TBCD: variants seen among roughly 807,000 people sequenced by gnomAD.
The protein encoded by TBCD is tubulin folding cofactor D.
Under a neutral mutation model 169.3 loss-of-function variants are expected in TBCD, and 105 were observed. That is an observed-to-expected ratio of 0.62 (90% CI 0.53 to 0.73). The LOEUF is 0.73. Among genes scored for constraint, TBCD ranks in the 30% least tolerant of loss-of-function variants. The pLI is 0.00. For missense variants in TBCD, 1,444 were observed against 1,600.1 expected, an observed-to-expected ratio of 0.90 and a Z score of 1.66; for synonymous variants, 700 against 643.9, an observed-to-expected ratio of 1.09 and a Z score of -1.32.
chr17:82,791,828 A>G (rs1032095381), intron 7 of TBCD, among the ~76,000 whole-genome samples: 3 of 152,130 alleles, frequency 2.0e-5, no homozygotes, highest in African/African-American at 7.2e-5. Flanking sequence ...CGTAGCGTGC[A>G]CTTAAACATA....
intron 2 of TBCD, among the ~76,000 whole-genome samples, chr17:82,763,066 G>T (rs963552343): frequency 6.6e-6 from 1 of 152,148 alleles, no homozygotes; most frequent in Non-Finnish European, 1.5e-5. Context: ...TAAATGTCAC[G>T]TAAGTAAGGT....
chr17:82,866,760 G>A lies in TBCD; in HGVS notation c.1319-3464G>A, dbSNP rs139029830. ...CTGCTGCTGGGACTCAGCCCTGCGGGAGCACAGGGAGGACAGCTGGAAGCC... is the reference window on the plus strand; with the variant it reads ...CTGCTGCTGGGACTCAGCCCTGCGGAAGCACAGGGAGGACAGCTGGAAGCC... On this transcript the variant is annotated intron_variant, in intron 13 of 38. Coordinates refer to ENST00000355528, the MANE Select transcript of TBCD (RefSeq NM_005993.5). Among the ~76,000 whole-genome samples the A allele has an allele frequency of 5.5e-4, 84 of 152,360 alleles. No individual in the cohort carries two copies. In the East Asian group the frequency reaches 0.015, roughly 27 times the overall value.
chr17:82,866,513 G>A (rs1007647146), intron 13 of TBCD, among the ~76,000 whole-genome samples: 2 of 152,258 alleles, frequency 1.3e-5, no homozygotes, highest in African/African-American at 2.4e-5. Context: ...GGCAGCTGCC[G>A]CTTCACCTGT....
chr17:82,887,175 G>GCA lies in TBCD; in HGVS notation c.1534-2492_1534-2491insAC, dbSNP rs2058808101. Among the ~76,000 whole-genome samples the GCA allele has an allele frequency of 8.7e-5, 6 of 68,850 alleles. 1 individual carries two copies. The highest frequency in any genetic ancestry group is 5.7e-4 in the African/African-American group (6 of 10,576). The allele number at this position is 68,850 out of a possible 152,430, so 45.2% of individuals were successfully genotyped here. ...TGTGTGTGTGTGTGTGTGTGCGCGC[G>GCA]CGCGCACGTGCGCTCACGCGTTTAC... On this transcript the variant is annotated intron_variant, in intron 15 of 38. Transcript: ENST00000355528.
chr17:82,867,239 G>A (rs2057235621), intron 13 of TBCD, among the ~76,000 whole-genome samples: 1 of 152,220 alleles, frequency 6.6e-6, no homozygotes, highest in South Asian at 2.1e-4. Flanking sequence ...CAGTGTCCAG[G>A]TGCATGCGTT....
At chr17:82,935,186 A>G (rs927301290) in intron 34 of TBCD, among the ~76,000 whole-genome samples, 2 of 152,174 alleles carry the variant, frequency 1.3e-5, no homozygotes, top group East Asian at 3.8e-4. Context: ...CAGATTTTGA[A>G]GCGTGTTTGT....
At chr17:82,926,298 C>T in intron 27 of TBCD, 102 bp from the exon 28 acceptor site, 1 of 1,096,330 alleles carries the variant, frequency 9.1e-7, no homozygotes, top group South Asian at 1.4e-5. Flanking sequence ...CTGCCTATCT[C>T]ATGGTGTGGG....
chr17:82,781,500 T>C, intron 6 of TBCD, 89 bp from the exon 7 acceptor site: 1 of 1,505,066 alleles, frequency 6.6e-7, no homozygotes, highest in Non-Finnish European at 8.9e-7. Context: ...TGGGAGGGCC[T>C]GGGGAGGTGG....
intron 14 of TBCD, among the ~76,000 whole-genome samples, chr17:82,882,188 C>T (rs1305485399): frequency 6.6e-6 from 1 of 152,360 alleles, no homozygotes; most frequent in Non-Finnish European, 1.5e-5. Context: ...AGCTGTCCTG[C>T]TCCTCCTTGT....
intron 23 of TBCD, chr17:82,913,192 G>C (rs543046863): frequency 1.3e-4 from 20 of 152,420 alleles, no homozygotes; most frequent in African/African-American, 3.8e-4. Context: ...GGGATGGAGT[G>C]GGGTGTCGAG....
chr17:82,900,854 A>C, intron 18 of TBCD, 123 bp downstream of exon 18: 1 of 737,412 alleles, frequency 1.4e-6, no homozygotes, highest in East Asian at 2.6e-5. Flanking sequence ...ATAACTTCTG[A>C]GAAGTAATAT....
At chr17:82,807,147 C>T (rs2051028941) in intron 10 of TBCD, among the ~76,000 whole-genome samples, 1 of 152,240 alleles carries the variant, frequency 6.6e-6, no homozygotes, top group African/African-American at 2.4e-5. Flanking sequence ...TGTGACCTGA[C>T]CCCTCCCTGC....
At chr17:82,893,464 CTG>C (rs1416185262) in intron 16 of TBCD, 81 bp from the exon 17 acceptor site, 2 of 1,120,516 alleles carry the variant, frequency 1.8e-6, no homozygotes, top group Non-Finnish European at 2.6e-6. Flanking sequence ...GTGTAAATGT[CTG>C]TGGATGTGAT....
intron 14 of TBCD, among the ~76,000 whole-genome samples, chr17:82,871,649 T>G (rs1030062788): frequency 6.6e-6 from 1 of 152,200 alleles, no homozygotes; most frequent in African/African-American, 2.4e-5. Context: ...CTGCTCCTTT[T>G]GGTCTGGGCG....
intron 12 of TBCD, among the ~76,000 whole-genome samples, chr17:82,810,737 A>G (rs1396745973): frequency 6.6e-6 from 1 of 152,098 alleles, no homozygotes. Context: ...CTTGCTCAGG[A>G]CCCCGGGCGT....
Position 82,789,572 on chromosome 17 carries a change from G to A in TBCD, c.771+7851G>A, listed in dbSNP as rs963634698. ...AGTCGTCCTGACCTGTGGCCCCTGT[G>A]CAGGTTGGGGTGCCCCTGCCCTCTC... On this transcript the variant is annotated intron_variant, in intron 7 of 38. Coordinates refer to ENST00000355528, the MANE Select transcript of TBCD (RefSeq NM_005993.5). The surrounding 1 kb of genome is among the most constrained non-coding windows in gnomAD (Gnocchi z 4.8). 6.6e-6 allele frequency among the ~76,000 whole-genome samples: 1 copy of A among 152,140 alleles called. No homozygotes were observed. The highest frequency in any genetic ancestry group is 1.5e-5 in the Non-Finnish European group (1 of 68,008).
At chr17:82,757,621 C>CAA (rs537412069) in intron 2 of TBCD, among the ~76,000 whole-genome samples, 12 of 71,470 alleles carry the variant, frequency 1.7e-4, no homozygotes, top group Admixed American at 3.1e-4. Flanking sequence ...GACTTCATCT[C>CAA]AAAAAAAAAA....
intron 7 of TBCD, among the ~76,000 whole-genome samples, chr17:82,783,595 G>A (rs1295901982): frequency 1.3e-5 from 2 of 152,186 alleles, no homozygotes; most frequent in African/African-American, 4.8e-5. Flanking sequence ...CCTCACCAGA[G>A]TCGTACACGA....
In TBCD at chr17:82,831,386, A is replaced by G; in HGVS notation, c.1318+16452A>G. Reference sequence around the variant, plus strand: ...AACCTGGAAGGACTCGAGGCTGGATAGACCAGGGTGGCTTCTTCAAGCAGG... The same window carrying G: ...AACCTGGAAGGACTCGAGGCTGGATGGACCAGGGTGGCTTCTTCAAGCAGG... On this transcript the variant is annotated intron_variant, in intron 13 of 38. Transcript: ENST00000355528. This position sits in a 1 kb window ranked among gnomAD's most constrained non-coding sequence, Gnocchi z 4.6. 1 of 1,614,158 alleles carries G rather than the reference A, an allele frequency of 6.2e-7. No homozygotes were observed. Among genetic ancestry groups the G allele is most frequent in the Non-Finnish European group, 8.5e-7 (1 of 1,180,020 alleles).
Sources: gnomAD v4.1 joint callset for allele counts (sites outside exome capture counted in the v4.1 genomes callset) on GRCh38, gnomAD v4.1.1 for gene constraint, Gnocchi (gnomAD v3.1) non-coding constraint, MANE v1.5 for transcripts, NCBI Gene and HGNC (gene_info 2026-07-23, HGNC 2026-07-21) for gene names.